The following PDE4D variants were observed in gnomAD, a reference collection of about 807,000 sequenced individuals.
PDE4D encodes the protein 3',5'-cyclic-AMP phosphodiesterase 4D.
Under a neutral mutation model 87.4 loss-of-function variants are expected in PDE4D, and 24 were observed. That is an observed-to-expected ratio of 0.27 (90% CI 0.20 to 0.39). PDE4D has a LOEUF of 0.39. Among genes scored for constraint, PDE4D ranks in the 10% least tolerant of loss-of-function variants. The pLI, the probability that PDE4D is intolerant of heterozygous loss-of-function variation, is 1.00. For missense variants in PDE4D, 714 were observed against 1,041.0 expected, an observed-to-expected ratio of 0.69 and a Z score of 4.32; for synonymous variants, 384 against 383.2, an observed-to-expected ratio of 1.00 and a Z score of -0.02.
In PDE4D at chr5:60,305,924, T is replaced by C. The variant is rs1754460585; in HGVS notation, c.-89-120237A>G. Among the ~76,000 whole-genome samples the C allele has an allele frequency of 1.3e-5, 2 of 152,012 alleles. 1 individual carries two copies. The highest frequency in any genetic ancestry group is 4.1e-4 in the South Asian group (2 of 4,832). ...AACTCTCTTAAAGAGAAAAAGTAGC[T>C]GGAAAATTAAAAGGTCCATAAAGCA... On this transcript the variant is annotated intron_variant, in intron 1 of 16. Transcript: ENST00000502484.
chr5:59,683,425 T>C (rs556062808), intron 1 of PDE4D, among the ~76,000 whole-genome samples: 4 of 152,352 alleles, frequency 2.6e-5, no homozygotes, highest in South Asian at 4.1e-4. Flanking sequence ...TTATGGCTTA[T>C]AGATATTTAA....
intron 5 of PDE4D, among the ~76,000 whole-genome samples, chr5:59,075,413 G>A (rs1218186213): frequency 2.6e-5 from 4 of 151,900 alleles, no homozygotes; most frequent in African/African-American, 7.3e-5. Flanking sequence ...TGGAGATTCC[G>A]CAAAATTAGT....
chr5:59,247,093 T>C (rs2153527003), intron 1 of PDE4D, among the ~76,000 whole-genome samples: 1 of 152,306 alleles, frequency 6.6e-6, no homozygotes, highest in South Asian at 2.1e-4. Flanking sequence ...TCATGTCACA[T>C]AGTTGATCTC....
At chr5:60,364,067 A>G (rs1259119840) in intron 1 of PDE4D, among the ~76,000 whole-genome samples, 1 of 152,234 alleles carries the variant, frequency 6.6e-6, no homozygotes, top group Non-Finnish European at 1.5e-5. Flanking sequence ...CAGAAGCCTG[A>G]TAAAATTGGT....
chr5:60,040,785 C>G lies in PDE4D; in HGVS notation c.43-52068G>C, dbSNP rs112278371. On this transcript the variant is annotated intron_variant, in intron 2 of 16. Transcript: ENST00000502484. The stretch of plus-strand genomic sequence containing the variant: ...ATTCTGTCCGATAATTAAAAACAGA[C>G]ATAAACTATTATTACCCTAAATGTT... 2.0e-5 allele frequency among the ~76,000 whole-genome samples: 3 copies of G among 152,264 alleles called. 1 individual carries two copies. Among genetic ancestry groups the G allele is most frequent in the African/African-American group, 7.2e-5 (3 of 41,560 alleles).
chr5:60,296,831 T>C lies in PDE4D; in HGVS notation c.-89-111144A>G, dbSNP rs926704563. 2.0e-5 allele frequency among the ~76,000 whole-genome samples: 3 copies of C among 152,034 alleles called. No homozygotes were observed. The South Asian group carries it at 6.2e-4, about 32-fold the overall frequency. On this transcript the variant is annotated intron_variant, in intron 1 of 16. Coordinates refer to the PDE4D transcript ENST00000502484. ...CTGGAAACCATCATTCTCAGCAAACTAATACAGGAACAGAAAACCAAACAC... is the reference window on the plus strand; with the variant it reads ...CTGGAAACCATCATTCTCAGCAAACCAATACAGGAACAGAAAACCAAACAC...
intron 2 of PDE4D, among the ~76,000 whole-genome samples, chr5:60,094,446 C>T (rs568397489): frequency 3.9e-4 from 60 of 152,180 alleles, no homozygotes; most frequent in African/African-American, 1.4e-3. Flanking sequence ...TGCTTTGGGT[C>T]TCCCCAGAAT....
intron 1 of PDE4D, chr5:59,276,179 C>T: frequency 1.0e-6 from 1 of 969,668 alleles, no homozygotes; most frequent in Non-Finnish European, 1.2e-6. Context: ...TCGTCAATTG[C>T]TGAGACTTAC....
At chr5:60,150,067 A>G (rs569377207) in intron 2 of PDE4D, among the ~76,000 whole-genome samples, 20 of 147,978 alleles carry the variant, frequency 1.4e-4, no homozygotes, top group Non-Finnish European at 2.7e-4. Context: ...ACTAGTATAT[A>G]TGACTAGTAT....
intron 3 of PDE4D, among the ~76,000 whole-genome samples, chr5:59,940,435 T>A (rs1757060465): frequency 6.6e-6 from 1 of 152,094 alleles, no homozygotes; most frequent in South Asian, 2.1e-4. Context: ...TACACTACAG[T>A]ACTGGTGGTG....
chr5:60,452,009 A>G (rs904785093), intron 1 of PDE4D, among the ~76,000 whole-genome samples: 1 of 152,140 alleles, frequency 6.6e-6, no homozygotes, highest in East Asian at 1.9e-4. Flanking sequence ...GTTTTTCTCA[A>G]TAGCCCAAAA....
intron 3 of PDE4D, among the ~76,000 whole-genome samples, chr5:59,977,359 T>C (rs1272205076): frequency 6.6e-6 from 1 of 152,216 alleles, no homozygotes; most frequent in African/African-American, 2.4e-5. Context: ...CAACATTCCC[T>C]TAAGCCAAAG....
In PDE4D at chr5:59,781,896, A is replaced by G. The variant is rs990059086; in HGVS notation, c.455+111272T>C. Among the ~76,000 whole-genome samples, 8 of 151,862 alleles carry G rather than the reference A, an allele frequency of 5.3e-5. No individual in the cohort carries two copies. In the East Asian group the frequency reaches 1.2e-3, roughly 22 times the overall value. ...GACTAAAGCTGATTTTAAGCTACCA[A>G]CGTTATATCAGCCTATGTGGAGTTG... On this transcript the variant is annotated intron_variant, in intron 1 of 14. Transcript: ENST00000340635.
chr5:59,533,967 A>T (rs1454251459), intron 1 of PDE4D, among the ~76,000 whole-genome samples: 2 of 152,236 alleles, frequency 1.3e-5, no homozygotes, highest in African/African-American at 4.8e-5. Flanking sequence ...AGTATTTTGA[A>T]AACTAGATAT....
At chr5:59,175,975 C>T (rs1201876618) in intron 5 of PDE4D, among the ~76,000 whole-genome samples, 3 of 151,928 alleles carry the variant, frequency 2.0e-5, no homozygotes, top group African/African-American at 7.3e-5. Context: ...ATTCTTGCAA[C>T]AGTCCTAAGT....
chr5:59,720,518 A>T (rs1755674614), intron 1 of PDE4D, among the ~76,000 whole-genome samples: 1 of 152,136 alleles, frequency 6.6e-6, no homozygotes, highest in Non-Finnish European at 1.5e-5. Context: ...GTAAACAAGG[A>T]CCCCTCAGGT....
In PDE4D at chr5:60,244,061, ACT is replaced by A. The variant is rs1747433828; in HGVS notation, c.-89-58376_-89-58375del. On this transcript the variant is annotated intron_variant, in intron 1 of 16. Coordinates refer to the PDE4D transcript ENST00000502484. Reference sequence around the variant, plus strand: ...ATCTCATATTTGGAAAAACCTAAAGACTCTCTCAAAAAAATATTAGAACTGGT... The same window carrying A: ...ATCTCATATTTGGAAAAACCTAAAGACTCTCAAAAAAATATTAGAACTGGT... Among the ~76,000 whole-genome samples, 6 of 151,976 alleles carry A rather than the reference ACT, an allele frequency of 3.9e-5. No individual in the cohort carries two copies. In the South Asian group the frequency reaches 1.2e-3, roughly 32 times the overall value.
At chr5:59,833,138 CA>C (rs1741498432) in intron 1 of PDE4D, among the ~76,000 whole-genome samples, 1 of 152,020 alleles carries the variant, frequency 6.6e-6, no homozygotes, top group South Asian at 2.1e-4. Flanking sequence ...GGACAGATGG[CA>C]AGGGCCAGAG....
chr5:59,459,486 T>C (rs1800427231), intron 1 of PDE4D, among the ~76,000 whole-genome samples: 1 of 152,080 alleles, frequency 6.6e-6, no homozygotes, highest in Non-Finnish European at 1.5e-5. Flanking sequence ...AGAATCAAAA[T>C]CTCTCCAGGC....
Sources: allele counts gnomAD v4.1 joint callset (sites outside exome capture counted in the v4.1 genomes callset), GRCh38; gene constraint gnomAD v4.1.1; transcripts MANE v1.5; gene names NCBI Gene and HGNC (gene_info 2026-07-23, HGNC 2026-07-21).